The following DLG5 variants were observed in gnomAD, a reference collection of about 807,000 sequenced individuals.
DLG5 encodes the protein disks large homolog 5.
Under a neutral mutation model 189.8 loss-of-function variants are expected in DLG5, and 48 were observed. That is an observed-to-expected ratio of 0.25 (90% confidence interval 0.20 to 0.32). The LOEUF is 0.32. Ranked by LOEUF, DLG5 falls within the 10% of genes least tolerant of loss-of-function variation. The pLI is 1.00. For synonymous variants in DLG5, 1,016 were observed against 1,054.1 expected, an observed-to-expected ratio of 0.96 and a Z score of 0.70; for missense variants, 2,160 against 2,544.7, an observed-to-expected ratio of 0.85 and a Z score of 3.25.
intron 1 of DLG5, among the ~76,000 whole-genome samples, chr10:77,884,155 T>A (rs576939688): frequency 1.3e-5 from 2 of 151,920 alleles, no homozygotes; most frequent in African/African-American, 4.8e-5. Context: ...TAGAAGGCAA[T>A]GGGGTGGAGG....
the DLG5 span, among the ~76,000 whole-genome samples, chr10:77,934,154 CGAGGTCAGGAATTT>C: frequency 7.9e-5 from 12 of 152,022 alleles, no homozygotes; most frequent in Admixed American, 7.9e-4. Flanking sequence ...GTGGATCACC[CGAGGTCAGGAATTT>C]GAGACCAGCC....
chr10:77,900,881 G>A (rs2154577863), intron 1 of DLG5, among the ~76,000 whole-genome samples: 1 of 152,298 alleles, frequency 6.6e-6, no homozygotes, highest in East Asian at 1.9e-4. Flanking sequence ...GTTGCAGTGA[G>A]CCAAGATCGT....
chr10:77,800,431 G>T (rs1226544226), intron 27 of DLG5, among the ~76,000 whole-genome samples: 1 of 152,156 alleles, frequency 6.6e-6, no homozygotes, highest in Admixed American at 6.5e-5. Context: ...TCTAAAGTGA[G>T]AGTGAGGGGC....
intron 1 of DLG5, among the ~76,000 whole-genome samples, chr10:77,903,352 C>T (rs191411550): frequency 1.3e-3 from 191 of 151,656 alleles, no homozygotes; most frequent in African/African-American, 3.1e-3. Context: ...TGCTTGAACT[C>T]GGGAGGCAGA....
At chr10:77,795,093 G>A (rs548604169) in intron 29 of DLG5, 135 bp from the exon 30 acceptor site, 20 of 648,238 alleles carry the variant, frequency 3.1e-5, no homozygotes, top group African/African-American at 7.3e-5. Context: ...ACAGTACACC[G>A]TGGGGAAACC....
intron 1 of DLG5, among the ~76,000 whole-genome samples, chr10:77,907,624 C>A (rs1846104696): frequency 6.6e-6 from 1 of 151,844 alleles, no homozygotes; most frequent in Non-Finnish European, 1.5e-5. Flanking sequence ...CAGTACTTAC[C>A]ATGTGCCACA....
At chr10:77,933,373 G>T in the DLG5 span, among the ~76,000 whole-genome samples, 123 of 151,488 alleles carry the variant, frequency 8.1e-4, 1 homozygote, top group Non-Finnish European at 1.1e-3. Context: ...TGCAACCTCC[G>T]CCTCCTGGGT....
At chr10:77,937,874 A>AT in the DLG5 span, among the ~76,000 whole-genome samples, 54,278 of 104,094 alleles carry the variant, frequency 0.52, 15,303 homozygotes, top group Admixed American at 0.59. Flanking sequence ...CACTCAGCTA[A>AT]TTTTTTTTTT....
intron 2 of DLG5, among the ~76,000 whole-genome samples, chr10:77,861,074 T>A (rs753780269): frequency 6.6e-6 from 1 of 152,188 alleles, no homozygotes; most frequent in East Asian, 1.9e-4. Flanking sequence ...CTGTTTAACA[T>A]CCAGCTTCAC....
Position 77,796,065 on chromosome 10 carries a change from T to C in DLG5, c.5432A>G (p.Glu1811Gly), listed in dbSNP as rs754311935. The change falls in exon 29 of 32, where the codon GAA (glutamate) becomes GGA (glycine). Residue 1811 changes from glutamate to glycine, a missense_variant. By Grantham distance (98) the Glu-to-Gly change is moderately conservative (BLOSUM62 -2). Around this residue, in one of 5 missense-constraint regions of DLG5, gnomAD observed 574 missense variants for 644.2 expected, o/e 0.89. Coordinates refer to ENST00000372391, the MANE Select transcript of DLG5 (RefSeq NM_004747.4). The surrounding 1 kb of genome is among the most constrained non-coding windows in gnomAD (Gnocchi z 5.2). ...TTVASIKEIT[E>G]KNRHCLLDIA... Reference sequence around the variant, plus strand: ...TCAGACTGAAGCCCTGGGTACCTTTTCTGTGATCTCCTTTATTGACGCCAC... The same window carrying C: ...TCAGACTGAAGCCCTGGGTACCTTTCCTGTGATCTCCTTTATTGACGCCAC... The C allele has an allele frequency of 3.1e-6, 5 of 1,614,106 alleles. No homozygotes were observed. Among genetic ancestry groups the C allele is most frequent in the Admixed American group, 3.3e-5 (2 of 60,016 alleles).
At chr10:77,866,602 C>T (rs1373551185) in intron 2 of DLG5, among the ~76,000 whole-genome samples, 1 of 151,966 alleles carries the variant, frequency 6.6e-6, no homozygotes, top group Non-Finnish European at 1.5e-5. Context: ...CATTTTAATT[C>T]ATTTAAATTT....
intron 7 of DLG5, among the ~76,000 whole-genome samples, chr10:77,836,787 A>G (rs1843159487): frequency 6.6e-6 from 1 of 152,174 alleles, no homozygotes. Context: ...GGCTTTCCTC[A>G]GACCTCACGG....
At chr10:77,820,409 GC>G (rs1010894410) in intron 15 of DLG5, 10 of 166,398 alleles carry the variant, frequency 6.0e-5, no homozygotes, top group African/African-American at 2.2e-4. Context: ...GCCAGTTTCT[GC>G]CCCCCAGGAA....
intron 1 of DLG5, among the ~76,000 whole-genome samples, chr10:77,904,940 C>T (rs1763341913): frequency 1.3e-5 from 2 of 151,676 alleles, no homozygotes; most frequent in African/African-American, 4.8e-5. Context: ...ACCAGCCTGA[C>T]CAACATGGTG....
upstream of DLG5, chr10:77,928,912 C>T (rs1365586946): frequency 6.6e-6 from 1 of 152,130 alleles, no homozygotes; most frequent in African/African-American, 2.4e-5. Flanking sequence ...CCTGTAATCC[C>T]AGCTGTTCAG....
At chr10:77,824,130 C>T (rs1361443880) in intron 14 of DLG5, among the ~76,000 whole-genome samples, 2 of 152,230 alleles carry the variant, frequency 1.3e-5, no homozygotes, top group African/African-American at 4.8e-5. Context: ...CCTAGGAAAA[C>T]TGGCAACAAT....
chr10:77,892,383 C>A (rs1845635537), intron 1 of DLG5, among the ~76,000 whole-genome samples: 1 of 152,174 alleles, frequency 6.6e-6, no homozygotes, highest in African/African-American at 2.4e-5. Flanking sequence ...AATGCAACAG[C>A]CTCCTCCCTC....
rs1223501920 is a variant in DLG5, at chr10:77,821,542, C to T, written c.2942G>A (p.Arg981His). Reference protein sequence around the residue: ...KSIFDPNTFKRPQTPPKIDYL... With the variant: ...KSIFDPNTFKHPQTPPKIDYL... ...GTCTATTTTGGGGGGTGTCTGGGGGCGTTTGAAAGTGTTAGGGTCAAAGAT... is the reference window on the plus strand; with the variant it reads ...GTCTATTTTGGGGGGTGTCTGGGGGTGTTTGAAAGTGTTAGGGTCAAAGAT... Residue 981 changes from arginine (R) to histidine (H), a missense_variant, in exon 15 of 32, where the codon CGC (arginine) becomes CAC (histidine). Around this residue, in one of 5 missense-constraint regions of DLG5, gnomAD observed 754 missense variants for 746.5 expected, o/e 1.01. Coordinates refer to ENST00000372391, the MANE Select transcript of DLG5 (RefSeq NM_004747.4). The T allele has an allele frequency of 5.6e-6, 9 of 1,612,514 alleles. No individual in the cohort carries two copies. The highest frequency in any genetic ancestry group is 2.2e-5 in the East Asian group (1 of 44,868).
chr10:77,793,622 A>T (rs943202387), intron 31 of DLG5: 8 of 203,536 alleles, frequency 3.9e-5, no homozygotes, highest in Non-Finnish European at 6.7e-5. Context: ...GGAGGGTGCT[A>T]GGGACAGATG....
Sources: allele counts gnomAD v4.1 joint callset (sites outside exome capture counted in the v4.1 genomes callset), GRCh38; gene constraint gnomAD v4.1.1; regional missense constraint gnomAD v4.1.1; non-coding constraint Gnocchi (gnomAD v3.1); transcripts MANE v1.5; gene names NCBI Gene and HGNC (gene_info 2026-07-23, HGNC 2026-07-21).